KDM5C: variants seen among roughly 807,000 people sequenced by gnomAD.
KDM5C encodes lysine-specific demethylase 5C.
KDM5C carries 16 observed loss-of-function variants against 110.6 expected under a neutral mutation model. That is an observed-to-expected ratio of 0.14 (90% CI 0.10 to 0.22). The LOEUF (loss-of-function observed/expected upper bound fraction) is 0.22. KDM5C is among the 10% of genes least tolerant of loss of function. KDM5C has a pLI of 1.00. For synonymous variants in KDM5C, 511 were observed against 520.4 expected (o/e 0.98, Z 0.24); for missense variants, 681 against 1,300.9 (o/e 0.52, Z 7.33).
rs1934520476 is a variant in KDM5C at position 53,192,880 on chromosome X, C to T, written c.*87G>A. 2 of 1,041,144 alleles carry T rather than the reference C, an allele frequency of 1.9e-6. No homozygotes were observed. The highest frequency in any genetic ancestry group is 2.5e-6 in the Non-Finnish European group (2 of 792,329). The allele number at this position is 1,041,144 out of a possible 1,213,427, so 85.8% of individuals were successfully genotyped here. On this transcript the variant is annotated 3_prime_UTR_variant, in exon 26 of 26. Transcript: ENST00000375401. ...ATGGCCACCCCCCTACCCGCCCACCCCCCAAGAAGCAGGCTTGATGGTCAG... is the reference window on the plus strand; with the variant it reads ...ATGGCCACCCCCCTACCCGCCCACCTCCCAAGAAGCAGGCTTGATGGTCAG...
intron 7 of KDM5C, among the ~76,000 whole-genome samples, chrX:53,215,386 T>C (rs1404536917): frequency 8.9e-6 from 1 of 112,206 alleles, no homozygotes; most frequent in Non-Finnish European, 1.9e-5. Context: ...AGGATAGGGA[T>C]GAAAGAGCAT....
At position 53,177,671 on chromosome X, in the gene KDM5C, T is replaced by C. The variant is rs141410953; in HGVS notation, c.4309-1049A>G. ...TCCTTGCATCTGTGAAACTTCTACCTACAGACACTAAGAAACAACAGATTC... is the reference window on the plus strand; with the variant it reads ...TCCTTGCATCTGTGAAACTTCTACCCACAGACACTAAGAAACAACAGATTC... On this transcript the variant is annotated intron_variant, in intron 25 of 25. Coordinates refer to the KDM5C transcript ENST00000685641. Among the ~76,000 whole-genome samples the C allele has an allele frequency of 5.7e-3, 645 of 112,337 alleles. 3 individuals carry two copies. The highest frequency in any genetic ancestry group is 9.3e-3 in the Middle Eastern group (2 of 215).
At chrX:53,206,088 T>C (rs781820490) in intron 12 of KDM5C, among the ~76,000 whole-genome samples, 13 of 112,174 alleles carry the variant, frequency 1.2e-4, no homozygotes, top group Non-Finnish European at 2.1e-4. Context: ...CAACTGTGAA[T>C]AGCCAAAAAG....
chrX:53,201,789 T>C (rs781970985), intron 13 of KDM5C, 45 bp from the exon 14 acceptor site: 10 of 1,208,941 alleles, frequency 8.3e-6, no homozygotes, highest in Admixed American at 6.6e-5. Context: ...CTGGAGGCCA[T>C]GATGCCCCAG....
intron 3 of KDM5C, 71 bp downstream of exon 3, chrX:53,218,205 A>C: frequency 8.5e-7 from 1 of 1,170,593 alleles, no homozygotes. Context: ...TATCCAAACT[A>C]AGGGGGCCCC....
At chrX:53,219,539 T>C (rs1237055991) in intron 2 of KDM5C, among the ~76,000 whole-genome samples, 5 of 112,218 alleles carry the variant, frequency 4.5e-5, no homozygotes, top group African/African-American at 6.5e-5. Context: ...AGGACTCCCA[T>C]AGGCCCCAAG....
Position 53,194,601 on chromosome X carries a change from C to A in KDM5C, c.3576G>T (p.Gln1192His). The part of the protein sequence containing the change: ...SSTTSICVCG[Q>H]VLAGAGALQC... ...GCAGAGCTCCCGCCCCAGCCAGCACCTGCCCACACACACAGATAGAGGTTG... is the reference window on the plus strand; with the variant it reads ...GCAGAGCTCCCGCCCCAGCCAGCACATGCCCACACACACAGATAGAGGTTG... Residue 1192 changes from glutamine (Q) to histidine (H), a missense_variant, in exon 23 of 26, where the codon CAG (glutamine) becomes CAT (histidine). Gln to His is a conservative substitution (Grantham distance 24). Transcript: ENST00000375401. The A allele has an allele frequency of 8.2e-7, 1 of 1,212,253 alleles. No individual in the cohort carries two copies. The highest frequency in any genetic ancestry group is 1.1e-6 in the Non-Finnish European group (1 of 895,581).
At chrX:53,193,683 T>C in intron 24 of KDM5C, 47 bp from the exon 25 acceptor site, 2 of 1,187,801 alleles carry the variant, frequency 1.7e-6, no homozygotes, top group East Asian at 5.9e-5. Context: ...CCCTTGGTCT[T>C]ATCCCCACCA....
chrX:53,205,750 C>T (rs184005065), intron 12 of KDM5C, among the ~76,000 whole-genome samples: 1 of 112,495 alleles, frequency 8.9e-6, no homozygotes, highest in East Asian at 2.8e-4. Context: ...CATACACAAA[C>T]GCAGGCACTG....
At chrX:53,222,275 A>G (rs1217150302) in intron 1 of KDM5C, among the ~76,000 whole-genome samples, 4 of 108,404 alleles carry the variant, frequency 3.7e-5, no homozygotes, top group Admixed American at 9.9e-5. Flanking sequence ...TAGAGGACTC[A>G]TATTTTGCAT....
At chrX:53,210,280 C>G in intron 12 of KDM5C, 134 bp downstream of exon 12, 1 of 829,417 alleles carries the variant, frequency 1.2e-6, no homozygotes, top group East Asian at 3.4e-5. Context: ...CTAGTCAAAC[C>G]CGTAGCCCAA....
At position 53,198,475 on chromosome X, in the gene KDM5C, C is replaced by A. The variant is rs1255070600; in HGVS notation, c.2516+15G>T. ...CAGCACCTTATGTGTGCCCTAACTCCTCACGCTGTCATACCCAGCTTCCTG... is the reference window on the plus strand; with the variant it reads ...CAGCACCTTATGTGTGCCCTAACTCATCACGCTGTCATACCCAGCTTCCTG... On this transcript the variant is annotated intron_variant, in intron 17 of 25. Coordinates refer to ENST00000375401, the MANE Select transcript of KDM5C (RefSeq NM_004187.5). 2.5e-6 allele frequency: 3 copies of A among 1,195,298 alleles called. No homozygotes were observed. In the African/African-American group the frequency reaches 5.3e-5, roughly 21 times the overall value.
In KDM5C at chrX:53,176,970, C is replaced by T. The variant is rs782681504; in HGVS notation, c.4309-348G>A. On this transcript the variant is annotated intron_variant, in intron 25 of 25. Transcript: ENST00000685641. ...TAACTATTAAAAGATATATTTTGGTCGGGTGTGGTGGCTCACACCTGTAAT... is the reference window on the plus strand; with the variant it reads ...TAACTATTAAAAGATATATTTTGGTTGGGTGTGGTGGCTCACACCTGTAAT... Among the ~76,000 whole-genome samples the T allele has an allele frequency of 1.0e-3, 115 of 111,660 alleles. No individual in the cohort carries two copies. The South Asian group carries it at 0.026, about 25-fold the overall frequency.
At chrX:53,177,918 G>A in intron 25 of KDM5C, among the ~76,000 whole-genome samples, 1 of 111,639 alleles carries the variant, frequency 9.0e-6, no homozygotes, top group East Asian at 2.8e-4. Flanking sequence ...GAGTACAGTG[G>A]CGTGATCACG....
rs1556834924 is a variant in KDM5C, at chrX:53,194,727, G to A, written c.3450C>T (p.Phe1150=). 8.3e-7 allele frequency: 1 copy of A among 1,210,034 alleles called. No individual in the cohort carries two copies. The highest frequency in any genetic ancestry group is 1.8e-5 in the South Asian group (1 of 56,805). Residue 1150 remains phenylalanine (F), a synonymous_variant, in exon 23 of 26, where the codon TTC becomes TTT. Transcript: ENST00000375401. ...LRDPGSVIVA[F]KEGEQKEKEG... is the part of the protein sequence containing the mutation. ...CCTTCTCCTTCTGTTCCCCCTCCTT[G>A]AAGGCCACGATCTGCCATACCCAGG...
At chrX:53,215,065 C>A in intron 7 of KDM5C, 1 of 495,326 alleles carries the variant, frequency 2.0e-6, no homozygotes, top group Non-Finnish European at 3.6e-6. Context: ...ACTTACTAAA[C>A]CCGTATTCAG....
rs1364974406 is a variant in KDM5C, at chrX:53,198,694, G to A, written c.2369-57C>T. ...GCAGTATTGAATAGAGGCAGAGGAAGGGGGTCAGAGTACAGAAGAAAGGGA... is the reference window on the plus strand; with the variant it reads ...GCAGTATTGAATAGAGGCAGAGGAAAGGGGTCAGAGTACAGAAGAAAGGGA... On this transcript the variant is annotated intron_variant, in intron 16 of 25. Coordinates refer to ENST00000375401, the MANE Select transcript of KDM5C (RefSeq NM_004187.5). 21 of 1,209,506 alleles carry A rather than the reference G, an allele frequency of 1.7e-5. No individual in the cohort carries two copies. The South Asian group carries it at 3.0e-4, about 17-fold the overall frequency.
intron 12 of KDM5C, among the ~76,000 whole-genome samples, chrX:53,208,355 G>A (rs931083988): frequency 2.8e-5 from 3 of 105,568 alleles, no homozygotes; most frequent in Non-Finnish European, 5.8e-5. Context: ...TTTAAAAAGC[G>A]GTAAGGACTA....
intron 1 of KDM5C, among the ~76,000 whole-genome samples, chrX:53,222,325 G>A (rs2073919434): frequency 9.4e-6 from 1 of 106,111 alleles, no homozygotes; most frequent in African/African-American, 3.5e-5. Flanking sequence ...ACCAGCCAAA[G>A]CAGGTGGCAA....
Sources: gnomAD v4.1 joint callset for allele counts (sites outside exome capture counted in the v4.1 genomes callset) on GRCh38, gnomAD v4.1.1 for gene constraint, MANE v1.5 for transcripts, NCBI Gene and HGNC (gene_info 2026-07-23, HGNC 2026-07-21) for gene names.